DNAH12: variants seen among roughly 807,000 people sequenced by gnomAD.
The protein encoded by DNAH12 is dynein axonemal heavy chain 12.
DNAH12 carries 285 observed loss-of-function variants against 371.5 expected under a neutral mutation model. The ratio of observed to expected loss-of-function variants is 0.77; its 90% confidence interval spans 0.70 to 0.85. The LOEUF (loss-of-function observed/expected upper bound fraction) is 0.85, where lower values mean the gene tolerates loss of function less well. Ranked by LOEUF, DNAH12 falls within the 40% of genes least tolerant of loss-of-function variation. The pLI is 0.00. For missense variants in DNAH12, 3,611 were observed against 3,689.4 expected (o/e 0.98, Z 0.55); for synonymous variants, 1,200 against 1,213.0 (o/e 0.99, Z 0.22).
Position 57,523,574 on chromosome 3 carries a change from TG to T in DNAH12, c.279+8del. On this transcript the variant is annotated splice_region_variant and intron_variant, in intron 4 of 73. Transcript: ENST00000495027. Reference sequence around the variant, plus strand: ...TTTTCAAACAAGAAATATAAAAACTTGAACTCACTCCTTTTTTTTTCATTTC... The same window carrying T: ...TTTTCAAACAAGAAATATAAAAACTTAACTCACTCCTTTTTTTTTCATTTC... 1 of 1,581,992 alleles carries T rather than the reference TG, an allele frequency of 6.3e-7. No homozygotes were observed. Among genetic ancestry groups the T allele is most frequent in the South Asian group, 1.2e-5 (1 of 83,950 alleles).
chr3:57,446,359 G>T (rs1396698315), intron 26 of DNAH12, 89 bp from the exon 27 acceptor site: 13 of 1,455,434 alleles, frequency 8.9e-6, no homozygotes, highest in African/African-American at 1.4e-5. Context: ...AGTCAGAATT[G>T]AAAGTTAAAT....
chr3:57,403,476 T>A lies in DNAH12; in HGVS notation c.6781A>T (p.Ile2261Leu), dbSNP rs1553679833. The A allele has an allele frequency of 2.6e-6, 4 of 1,549,272 alleles. No individual in the cohort carries two copies. In the Admixed American group the frequency reaches 7.9e-5, roughly 31 times the overall value. The change falls in exon 43 of 74, where the codon ATA (isoleucine) becomes TTA (leucine). Residue 2261 changes from isoleucine to leucine, a missense_variant. Ile to Leu is a conservative substitution (Grantham distance 5). Coordinates refer to ENST00000495027, the MANE Select transcript of DNAH12 (RefSeq NM_001366028.2). ...FRYVLEHLSR[I>L]CRVLKQSGGN... ...CCAGATTGCTTTAGAACTCGACATA[T>A]TCTTGATAAATGTTCCAAAACATAC...
intron 57 of DNAH12, among the ~76,000 whole-genome samples, chr3:57,365,090 A>C (rs2063018664): frequency 6.6e-6 from 1 of 152,198 alleles, no homozygotes; most frequent in Non-Finnish European, 1.5e-5. Context: ...ACCATTTGAC[A>C]CAGCAATCCC....
intron 11 of DNAH12, among the ~76,000 whole-genome samples, chr3:57,500,716 C>G (rs932192719): frequency 1.3e-5 from 2 of 152,066 alleles, no homozygotes; most frequent in African/African-American, 2.4e-5. Flanking sequence ...TTGTTATTTC[C>G]GTGTCAGGCT....
rs1008338238 is a variant in DNAH12, at chr3:57,388,619, G to C, written c.7306-1400C>G. 1.0e-3 allele frequency among the ~76,000 whole-genome samples: 154 copies of C among 152,082 alleles called. 1 individual carries two copies. The Middle Eastern group carries it at 0.014, about 13-fold the overall frequency. On this transcript the variant is annotated intron_variant, in intron 45 of 73. Coordinates refer to ENST00000495027, the MANE Select transcript of DNAH12 (RefSeq NM_001366028.2). ...ATTAGTGAAATTTTATAAAATGCCAGGTTAAATGTCATATAACTTACACAT... is the reference window on the plus strand; with the variant it reads ...ATTAGTGAAATTTTATAAAATGCCACGTTAAATGTCATATAACTTACACAT...
intron 39 of DNAH12, among the ~76,000 whole-genome samples, chr3:57,410,429 TTC>T (rs1463146324): frequency 1.3e-5 from 2 of 152,168 alleles, no homozygotes; most frequent in African/African-American, 4.8e-5. Flanking sequence ...ATTGTGTGTG[TTC>T]TGACTGTTCC....
chr3:57,550,605 C>T, the DNAH12 span, among the ~76,000 whole-genome samples: 9 of 151,166 alleles, frequency 6.0e-5, no homozygotes, highest in African/African-American at 1.2e-4. Context: ...TTCCCCCTCC[C>T]GGGTTCAAGC....
At position 57,405,802 on chromosome 3, in the gene DNAH12, C is replaced by T; in HGVS notation, c.6427G>A (p.Val2143Met). 8 of 1,551,686 alleles carry T rather than the reference C, an allele frequency of 5.2e-6. No homozygotes were observed. The highest frequency in any genetic ancestry group is 6.1e-6 in the Non-Finnish European group (7 of 1,146,982). The change falls in exon 41 of 74, where the codon GTG becomes ATG. Residue 2143 changes from valine to methionine, a missense_variant. By Grantham distance (21) the Val-to-Met change is conservative. Around this residue, in one of 3 missense-constraint regions of DNAH12, gnomAD observed 2,266 missense variants for 2,236.9 expected, o/e 1.01. Coordinates refer to ENST00000495027, the MANE Select transcript of DNAH12 (RefSeq NM_001366028.2). Reference sequence around the variant, plus strand: ...TAAAACACTCGGAGAACCTCATGCACAAACAGACGGATCATAGTGTGTTTG... The same window carrying T: ...TAAAACACTCGGAGAACCTCATGCATAAACAGACGGATCATAGTGTGTTTG... ...ANKHTMIRLFVHEVLRVFYDR... is the reference protein window; with the variant it reads ...ANKHTMIRLFMHEVLRVFYDR...
At chr3:57,403,086 G>A (rs1455109184) in intron 43 of DNAH12, among the ~76,000 whole-genome samples, 1 of 152,106 alleles carries the variant, frequency 6.6e-6, no homozygotes, top group African/African-American at 2.4e-5. Flanking sequence ...CTGCTGCATT[G>A]CATTGCTGTG....
chr3:57,318,852 C>CA (rs899570053), intron 65 of DNAH12, among the ~76,000 whole-genome samples: 1 of 151,936 alleles, frequency 6.6e-6, no homozygotes, highest in Non-Finnish European at 1.5e-5. Context: ...TTTTTCTCAA[C>CA]ATTGGTTTGG....
At position 57,470,546 on chromosome 3, in the gene DNAH12, A is replaced by G; in HGVS notation, c.2002T>C (p.Trp668Arg). The change falls in exon 16 of 74, where the codon TGG becomes CGG. Residue 668 changes from tryptophan to arginine, a missense_variant. By Grantham distance (101) the Trp-to-Arg change is moderately radical (BLOSUM62 -3). This residue lies in a region of DNAH12 where 1,314 missense variants were observed against 1,398.7 expected (regional missense o/e 0.94). Coordinates refer to ENST00000495027, the MANE Select transcript of DNAH12 (RefSeq NM_001366028.2). ...FINKEEELFK[W>R]ELTKYPELDK... ...AGTTCAGGATATTTTGTCAATTCCC[A>G]CTTGAAAAGTTCCTCTTCTTTATTA... 1 of 1,550,210 alleles carries G rather than the reference A, an allele frequency of 6.5e-7. No homozygotes were observed. The highest frequency in any genetic ancestry group is 1.4e-5 in the African/African-American group (1 of 73,102).
intron 17 of DNAH12, 110 bp downstream of exon 17, chr3:57,468,622 TAATA>T (rs2066272678): frequency 1.6e-6 from 1 of 623,742 alleles, no homozygotes; most frequent in Admixed American, 4.2e-5. Flanking sequence ...TTATTAATAA[TAATA>T]AATAATAAAC....
At chr3:57,305,956 A>T (rs2061461068) in intron 69 of DNAH12, among the ~76,000 whole-genome samples, 1 of 152,222 alleles carries the variant, frequency 6.6e-6, no homozygotes, top group Non-Finnish European at 1.5e-5. Context: ...GCTTGCTACA[A>T]GTGCCAGAAA....
At chr3:57,514,582 G>T (rs558102195) in intron 4 of DNAH12, among the ~76,000 whole-genome samples, 25 of 152,126 alleles carry the variant, frequency 1.6e-4, no homozygotes, top group Admixed American at 1.3e-3. Context: ...GAAAGTATGG[G>T]GGCATGGGAA....
chr3:57,455,233 C>T (rs912007645), intron 22 of DNAH12, among the ~76,000 whole-genome samples: 1 of 151,506 alleles, frequency 6.6e-6, no homozygotes, highest in Admixed American at 6.6e-5. Flanking sequence ...CCTATTACTT[C>T]TATCATAATA....
chr3:57,459,800 A>G lies in DNAH12; in HGVS notation c.2737-14T>C. 7.2e-7 allele frequency: 1 copy of G among 1,381,708 alleles called. No individual in the cohort carries two copies. The highest frequency in any genetic ancestry group is 1.8e-5 in the South Asian group (1 of 54,770). The allele number at this position is 1,381,708 out of a possible 1,614,324, so 85.6% of individuals were successfully genotyped here. ...GTCCTCCCAGGCCTTAATGAAAAGT[A>G]TACTGCACTAAATTCTAGTTATTAA... is the stretch of plus-strand genomic sequence containing the variant. On this transcript the variant is annotated splice_polypyrimidine_tract_variant and intron_variant, in intron 19 of 73. Coordinates refer to ENST00000495027, the MANE Select transcript of DNAH12 (RefSeq NM_001366028.2).
rs1246625422 is a variant in DNAH12 at position 57,375,908 on chromosome 3, G to A, written c.8523C>T (p.Val2841=). ...AAGCTATTACTCCTGCTGATACTAA[G>A]ACATCGCCAGTTAAATTTTCATATG... ...QITYENLTGD[V]LVSAGVIAYL... is the part of the protein sequence containing the mutation. The change falls in exon 54 of 74, where the codon GTC becomes GTT. Residue 2841 remains valine, a synonymous_variant. Coordinates refer to ENST00000495027, the MANE Select transcript of DNAH12 (RefSeq NM_001366028.2). 5 of 152,146 alleles carry A rather than the reference G, an allele frequency of 3.3e-5. No homozygotes were observed. The highest frequency in any genetic ancestry group is 1.2e-4 in the African/African-American group (5 of 41,434). 9.4% of individuals were successfully genotyped at this position (152,146 alleles called of 1,614,324 possible). A position where few individuals can be genotyped will look rare whatever the true frequency, so the allele number is the denominator to read the frequency against.
intron 55 of DNAH12, among the ~76,000 whole-genome samples, chr3:57,374,877 G>A (rs1196341055): frequency 6.6e-6 from 1 of 152,046 alleles, no homozygotes; most frequent in African/African-American, 2.4e-5. Context: ...CCTATGGCGG[G>A]AAATAATCAG....
chr3:57,488,646 G>A (rs995066587), intron 12 of DNAH12, among the ~76,000 whole-genome samples: 3 of 152,042 alleles, frequency 2.0e-5, no homozygotes, highest in Non-Finnish European at 2.9e-5. Flanking sequence ...CTTTGCTTCC[G>A]GGAAAATAAA....
Sources: allele counts gnomAD v4.1 joint callset (sites outside exome capture counted in the v4.1 genomes callset), GRCh38; gene constraint gnomAD v4.1.1; regional missense constraint gnomAD v4.1.1; transcripts MANE v1.5; gene names NCBI Gene and HGNC (gene_info 2026-07-23, HGNC 2026-07-21).